Variants in ENOX1 observed in about 807,000 individuals in gnomAD.
ENOX1 encodes the protein candidate growth-related and time keeping constitutive hydroquinone (NADH) oxidase.
In ENOX1, 42 loss-of-function variants were observed where a neutral mutation model predicts 82.5. The observed-to-expected ratio is 0.51, with a 90% CI of 0.40 to 0.66. ENOX1 has a LOEUF of 0.66. Ranked by LOEUF, ENOX1 falls within the 30% of genes least tolerant of loss-of-function variation. The pLI is 0.00. For synonymous variants in ENOX1, 271 were observed against 282.2 expected, an observed-to-expected ratio of 0.96 and a Z score of 0.40; for missense variants, 608 against 811.6, an observed-to-expected ratio of 0.75 and a Z score of 3.05.
At chr13:43,618,110 A>T (rs1041706132) in intron 2 of ENOX1, among the ~76,000 whole-genome samples, 1 of 152,080 alleles carries the variant, frequency 6.6e-6, no homozygotes, top group East Asian at 1.9e-4. Context: ...TTCGTTGTAG[A>T]TTCTGGACAT....
intron 11 of ENOX1, among the ~76,000 whole-genome samples, chr13:43,312,815 T>C (rs1050291427): frequency 6.6e-6 from 1 of 152,178 alleles, no homozygotes; most frequent in African/African-American, 2.4e-5. Context: ...GCTGGGTGCG[T>C]TGCCTATATT....
intron 9 of ENOX1, among the ~76,000 whole-genome samples, chr13:43,332,274 ATTAG>A (rs1200746444): frequency 6.6e-6 from 1 of 152,182 alleles, no homozygotes; most frequent in Non-Finnish European, 1.5e-5. Flanking sequence ...TCAGATCATC[ATTAG>A]TTAGATTCTC....
At chr13:43,332,736 G>A (rs1238736808) in intron 9 of ENOX1, among the ~76,000 whole-genome samples, 1 of 151,966 alleles carries the variant, frequency 6.6e-6, no homozygotes, top group Non-Finnish European at 1.5e-5. Flanking sequence ...CAATACATGA[G>A]ATTATAAATC....
intron 12 of ENOX1, among the ~76,000 whole-genome samples, chr13:43,274,751 A>G (rs1460298616): frequency 6.6e-6 from 1 of 152,224 alleles, no homozygotes; most frequent in Admixed American, 6.5e-5. Flanking sequence ...AATCAAGTGG[A>G]AACACTTGGG....
At chr13:43,358,426 G>A (rs890177290) in intron 7 of ENOX1, among the ~76,000 whole-genome samples, 1 of 128,612 alleles carries the variant, frequency 7.8e-6, no homozygotes, top group African/African-American at 2.9e-5. Flanking sequence ...ATACATGAGG[G>A]TTCTGCAGGA....
chr13:43,623,687 GT>G (rs1459317390), intron 2 of ENOX1, among the ~76,000 whole-genome samples: 2 of 152,122 alleles, frequency 1.3e-5, no homozygotes, highest in African/African-American at 4.8e-5. Flanking sequence ...AAAATTCACA[GT>G]GTGAGTCCCC....
intron 3 of ENOX1, among the ~76,000 whole-genome samples, chr13:43,414,224 C>A (rs900696319): frequency 2.0e-5 from 3 of 152,118 alleles, no homozygotes; most frequent in Non-Finnish European, 4.4e-5. Context: ...CAATTCTCAA[C>A]AACAGGTGAA....
chr13:43,301,869 T>G (rs2046597350), intron 11 of ENOX1, among the ~76,000 whole-genome samples: 1 of 152,126 alleles, frequency 6.6e-6, no homozygotes, highest in Non-Finnish European at 1.5e-5. Flanking sequence ...TTATGTTTCT[T>G]GGGCCAGAGC....
At chr13:43,561,335 C>T (rs191670124) in intron 2 of ENOX1, among the ~76,000 whole-genome samples, 7 of 152,164 alleles carry the variant, frequency 4.6e-5, no homozygotes, top group East Asian at 3.9e-4. Flanking sequence ...GAGTATACCC[C>T]GGAGCTGAGC....
chr13:43,361,925 G>T (rs993580718), intron 5 of ENOX1, among the ~76,000 whole-genome samples: 3 of 150,268 alleles, frequency 2.0e-5, no homozygotes, highest in African/African-American at 7.4e-5. Flanking sequence ...ATTTATATGT[G>T]CATACTTTAT....
intron 5 of ENOX1, among the ~76,000 whole-genome samples, chr13:43,402,267 A>C (rs1594357830): frequency 1.3e-5 from 2 of 152,328 alleles, no homozygotes; most frequent in South Asian, 4.1e-4. Context: ...TAAATCATGG[A>C]TGTCAAATAA....
chr13:43,739,317 T>A lies in ENOX1; in HGVS notation c.-285+47335A>T, dbSNP rs188799670. 5.3e-5 allele frequency among the ~76,000 whole-genome samples: 8 copies of A among 152,128 alleles called. No homozygotes were observed. In the East Asian group the frequency reaches 1.6e-3, roughly 29 times the overall value. ...AATCCCAGCAATTTGGGAGGCCAAG[T>A]CGGGCAGATTGCTTGAGTCCAGGAG... On this transcript the variant is annotated intron_variant, in intron 1 of 16. Coordinates refer to ENST00000690772, the MANE Select transcript of ENOX1 (RefSeq NM_001347969.2).
At chr13:43,273,768 C>T (rs556520742) in intron 12 of ENOX1, among the ~76,000 whole-genome samples, 1 of 152,304 alleles carries the variant, frequency 6.6e-6, no homozygotes, top group East Asian at 1.9e-4. Flanking sequence ...AAAAAATATT[C>T]TCTAATCACT....
intron 2 of ENOX1, among the ~76,000 whole-genome samples, chr13:43,536,055 C>T (rs775518521): frequency 6.6e-4 from 101 of 152,136 alleles, no homozygotes; most frequent in Non-Finnish European, 2.1e-4. Context: ...ACACATTCAG[C>T]GGCAGGAAAA....
chr13:43,381,682 TA>T (rs138781488), intron 5 of ENOX1, among the ~76,000 whole-genome samples: 3,363 of 151,892 alleles, frequency 0.022, 47 homozygotes, highest in Middle Eastern at 0.048. Context: ...ATATTAGACA[TA>T]AGGAATGTAA....
chr13:43,344,586 C>T lies in ENOX1; in HGVS notation c.988G>A (p.Glu330Lys). The T allele has an allele frequency of 6.2e-7, 1 of 1,614,190 alleles. No homozygotes were observed. Among genetic ancestry groups the T allele is most frequent in the Non-Finnish European group, 8.5e-7 (1 of 1,180,036 alleles). ...GCATTTTTAAAATTCTCCTTGGCTTCCTCCATCTCTTGCTCATGGGTGGCT... is the reference window on the plus strand; with the variant it reads ...GCATTTTTAAAATTCTCCTTGGCTTTCTCCATCTCTTGCTCATGGGTGGCT... ...EKATHEQEME[E>K]AKENFKNALT... is the part of the protein sequence containing the mutation. The change falls in exon 9 of 17, where the codon GAA becomes AAA. Residue 330 changes from glutamate to lysine, a missense_variant. Glu to Lys is a moderately conservative substitution (Grantham distance 56). Coordinates refer to ENST00000690772, the MANE Select transcript of ENOX1 (RefSeq NM_001347969.2).
chr13:43,614,559 A>C (rs868091200), intron 2 of ENOX1, among the ~76,000 whole-genome samples: 1 of 11,318 alleles, frequency 8.8e-5, no homozygotes, highest in Non-Finnish European at 2.5e-4. Context: ...TTTTTTTTTT[A>C]GCACTTGCTT....
At chr13:43,757,793 T>G (rs577312617) in intron 1 of ENOX1, among the ~76,000 whole-genome samples, 11 of 152,270 alleles carry the variant, frequency 7.2e-5, no homozygotes, top group African/African-American at 2.6e-4. Flanking sequence ...ACTAGTACAC[T>G]CTTGGTCATT....
In ENOX1 at chr13:43,754,125, C is replaced by T. The variant is rs528602592; in HGVS notation, c.-285+32527G>A. On this transcript the variant is annotated intron_variant, in intron 1 of 16. Transcript: ENST00000690772. ...ATACGTATATGTATACATAAGTATACGTATATACGTATATACACATATATA... is the reference window on the plus strand; with the variant it reads ...ATACGTATATGTATACATAAGTATATGTATATACGTATATACACATATATA... Among the ~76,000 whole-genome samples, 57 of 30,230 alleles carry T rather than the reference C, an allele frequency of 1.9e-3. No individual in the cohort carries two copies. The South Asian group carries it at 0.02, about 11-fold the overall frequency. The allele number at this position is 30,230 out of a possible 152,430, so 19.8% of individuals were successfully genotyped here.
Sources: gnomAD v4.1 joint callset for allele counts (sites outside exome capture counted in the v4.1 genomes callset) on GRCh38, gnomAD v4.1.1 for gene constraint, MANE v1.5 for transcripts, NCBI Gene and HGNC (gene_info 2026-07-23, HGNC 2026-07-21) for gene names.